PITPNM3: variants seen among roughly 807,000 people sequenced by gnomAD.
The protein encoded by PITPNM3 is PITPNM family member 3, also known as membrane-associated phosphatidylinositol transfer protein 3.
A neutral mutation model predicts 102.0 loss-of-function variants in PITPNM3; 26 were observed. The ratio of observed to expected loss-of-function variants is 0.25; its 90% confidence interval spans 0.19 to 0.35. PITPNM3 has a LOEUF of 0.35. Ranked by LOEUF, PITPNM3 falls within the 10% of genes least tolerant of loss-of-function variation. PITPNM3 has a pLI of 1.00. For missense variants in PITPNM3, 1,083 were observed against 1,346.1 expected (o/e 0.80, Z 3.06); for synonymous variants, 578 against 558.6 (o/e 1.03, Z -0.49).
intron 8 of PITPNM3, among the ~76,000 whole-genome samples, 168 bp downstream of exon 8, chr17:6,477,807 A>G (rs2150731659): frequency 6.6e-6 from 1 of 152,226 alleles, no homozygotes; most frequent in Non-Finnish European, 1.5e-5. Flanking sequence ...CGGCCTCCCA[A>G]AGTGCTGGGA....
chr17:6,484,237 G>T lies in PITPNM3; in HGVS notation c.330C>A (p.Ile110=). 6.2e-7 allele frequency: 1 copy of T among 1,611,912 alleles called. No homozygotes were observed. Among genetic ancestry groups the T allele is most frequent in the African/African-American group, 1.3e-5 (1 of 74,984 alleles). The change falls in exon 5 of 20, where the codon ATC becomes ATA. Residue 110 remains isoleucine, a synonymous_variant. Transcript: ENST00000262483. The part of the protein sequence containing the change: ...RRQRFPAQGS[I]EIHEDSEEGC... ...CTACCTCGCTGTCTTCGTGGATCTC[G>T]ATGCTTCCCTGGGCTGGGAACCTCT...
intron 3 of PITPNM3, among the ~76,000 whole-genome samples, chr17:6,505,817 C>T (rs1415562786): frequency 1.3e-5 from 2 of 152,248 alleles, no homozygotes; most frequent in African/African-American, 4.8e-5. Flanking sequence ...GGAGCAAGAA[C>T]ACCTCTGTGC....
Position 6,472,654 on chromosome 17 carries a change from T to C in PITPNM3, c.1429+3A>G. ...ACACTCTCTCCCACCCCCAAGAACC[T>C]ACCGAGGAGGAGGGACTGCCCATCG... On this transcript the variant is annotated splice_donor_region_variant and intron_variant, in intron 11 of 19. Transcript: ENST00000262483. This position sits in a 1 kb window ranked among gnomAD's most constrained non-coding sequence, Gnocchi z 4.1. 1 of 1,611,808 alleles carries C rather than the reference T, an allele frequency of 6.2e-7. No individual in the cohort carries two copies. Among genetic ancestry groups the C allele is most frequent in the Non-Finnish European group, 8.5e-7 (1 of 1,179,454 alleles).
chr17:6,460,997 C>T (rs761270553), intron 18 of PITPNM3: 38 of 339,448 alleles, frequency 1.1e-4, no homozygotes, highest in Admixed American at 4.7e-4. Flanking sequence ...ATCCGGGTCA[C>T]GGAAAGCACA....
Position 6,451,706 on chromosome 17 carries a change from G to C in PITPNM3, c.*3632C>G, listed in dbSNP as rs985156355. ...AGATTTTCCTCCCAACTGCCTGTTA[G>C]TGTCTCAACAAGGAGAGCAGAGCCC... is the stretch of plus-strand genomic sequence containing the variant. On this transcript the variant is annotated 3_prime_UTR_variant, in exon 20 of 20. Transcript: ENST00000262483. The C allele has an allele frequency of 6.6e-6, 1 of 152,240 alleles. No individual in the cohort carries two copies. Among genetic ancestry groups the C allele is most frequent in the Non-Finnish European group, 1.5e-5 (1 of 68,066 alleles). 9.4% of individuals were successfully genotyped at this position (152,240 alleles called of 1,614,324 possible).
At chr17:6,531,604 G>A (rs1474399760) in intron 2 of PITPNM3, among the ~76,000 whole-genome samples, 1 of 152,222 alleles carries the variant, frequency 6.6e-6, no homozygotes, top group Non-Finnish European at 1.5e-5. Flanking sequence ...TGCATCTCTG[G>A]CCTTCTCTGG....
chr17:6,512,955 G>A (rs1221182623), intron 3 of PITPNM3, among the ~76,000 whole-genome samples: 1 of 152,044 alleles, frequency 6.6e-6, no homozygotes, highest in Non-Finnish European at 1.5e-5. Context: ...CAAGGACTGA[G>A]TGGAATTTAT....
chr17:6,468,168 A>G lies in PITPNM3; in HGVS notation c.1890+57T>C. ...ATGTGGATGCCCCAGCCCCCGGGCC[A>G]GCCCCACCTCCCGGAGGACACAGTC... On this transcript the variant is annotated intron_variant, in intron 14 of 19. Coordinates refer to ENST00000262483, the MANE Select transcript of PITPNM3 (RefSeq NM_031220.4). This position sits in a 1 kb window ranked among gnomAD's most constrained non-coding sequence, Gnocchi z 5.2. 1.3e-6 allele frequency: 2 copies of G among 1,553,748 alleles called. No homozygotes were observed. Among genetic ancestry groups the G allele is most frequent in the South Asian group, 2.2e-5 (2 of 89,758 alleles).
intron 2 of PITPNM3, among the ~76,000 whole-genome samples, chr17:6,526,277 T>C (rs928900203): frequency 2.0e-5 from 3 of 152,160 alleles, no homozygotes; most frequent in Non-Finnish European, 4.4e-5. Flanking sequence ...ACACATCAGA[T>C]ACACACATCT....
At chr17:6,477,677 C>T (rs1257846409) in intron 8 of PITPNM3, among the ~76,000 whole-genome samples, 2 of 152,170 alleles carry the variant, frequency 1.3e-5, no homozygotes, top group Non-Finnish European at 2.9e-5. Flanking sequence ...TCCCAAGTAG[C>T]TGGGATTACA....
chr17:6,522,289 C>CACAG (rs1908578207), intron 3 of PITPNM3, among the ~76,000 whole-genome samples: 1 of 28,086 alleles, frequency 3.6e-5, no homozygotes, highest in African/African-American at 5.6e-5. Flanking sequence ...AGTGTGCGCA[C>CACAG]ACACACACAC....
At position 6,471,312 on chromosome 17, in the gene PITPNM3, G is replaced by A; in HGVS notation, c.1473C>T (p.Ser491=). 1.2e-6 allele frequency: 2 copies of A among 1,609,748 alleles called. No individual in the cohort carries two copies. The highest frequency in any genetic ancestry group is 1.7e-4 in the Middle Eastern group (1 of 6,036). ...CCAGAAGTGGCGGGCTGTCCCGGGAGCTGCCCTCCAGGAAGAGGGGGCTGT... is the reference window on the plus strand; with the variant it reads ...CCAGAAGTGGCGGGCTGTCCCGGGAACTGCCCTCCAGGAAGAGGGGGCTGT... ...HTHSPLFLEG[S]SRDSPPLLDA... is the part of the protein sequence containing the mutation. The change falls in exon 12 of 20, where the codon AGC becomes AGT. Residue 491 remains serine (S), a synonymous_variant. Coordinates refer to ENST00000262483, the MANE Select transcript of PITPNM3 (RefSeq NM_031220.4).
chr17:6,523,332 C>G (rs1908648953), intron 3 of PITPNM3, among the ~76,000 whole-genome samples: 1 of 152,204 alleles, frequency 6.6e-6, no homozygotes, highest in Admixed American at 6.5e-5. Flanking sequence ...GATGAAGAAA[C>G]AGAAGACCAG....
rs1360400156 is a variant in PITPNM3, at chr17:6,556,109, G to A, written c.22+276C>T. 5.9e-5 allele frequency among the ~76,000 whole-genome samples: 9 copies of A among 152,080 alleles called. No homozygotes were observed. The highest frequency in any genetic ancestry group is 5.2e-4 in the Admixed American group (8 of 15,298). ...GGGTGCAGAGGGCTCCCAACGGCGG[G>A]ACTGGCCCGGGGCGCCGCAGACCTG... On this transcript the variant is annotated intron_variant, in intron 1 of 19. Coordinates refer to ENST00000262483, the MANE Select transcript of PITPNM3 (RefSeq NM_031220.4). This position sits in a 1 kb window ranked among gnomAD's most constrained non-coding sequence, Gnocchi z 5.2.
intron 3 of PITPNM3, among the ~76,000 whole-genome samples, chr17:6,506,629 C>T (rs1470446332): frequency 6.6e-6 from 1 of 152,170 alleles, no homozygotes; most frequent in Non-Finnish European, 1.5e-5. Flanking sequence ...CTCGGCCTCC[C>T]AAAGGGCTGG....
chr17:6,463,585 G>A (rs933615897), intron 17 of PITPNM3, 147 bp downstream of exon 17: 7 of 1,170,668 alleles, frequency 6.0e-6, no homozygotes, highest in Non-Finnish European at 8.3e-6. Context: ...ATAAATTACT[G>A]TTGGAGGTAA....
intron 3 of PITPNM3, among the ~76,000 whole-genome samples, chr17:6,505,612 G>A (rs1597390155): frequency 6.6e-6 from 1 of 152,358 alleles, no homozygotes; most frequent in East Asian, 1.9e-4. Flanking sequence ...GCGAAGACCA[G>A]CACCATGTCT....
At position 6,471,130 on chromosome 17, in the gene PITPNM3, C is replaced by G. The variant is rs563378140; in HGVS notation, c.1624+31G>C. On this transcript the variant is annotated intron_variant, in intron 12 of 19. Transcript: ENST00000262483. Reference sequence around the variant, plus strand: ...AGAGGAAGGTTCCCCTCCCCCGAATCCAGGCAGGGCCCCAAAAGGACCTCA... The same window carrying G: ...AGAGGAAGGTTCCCCTCCCCCGAATGCAGGCAGGGCCCCAAAAGGACCTCA... 11 of 1,610,464 alleles carry G rather than the reference C, an allele frequency of 6.8e-6. No homozygotes were observed. The South Asian group carries it at 1.1e-4, about 16-fold the overall frequency.
At position 6,538,026 on chromosome 17, in the gene PITPNM3, A is replaced by C. The variant is rs756685029; in HGVS notation, c.79T>G (p.Ser27Ala). 1 of 1,613,694 alleles carries C rather than the reference A, an allele frequency of 6.2e-7. No homozygotes were observed. Among genetic ancestry groups the C allele is most frequent in the Non-Finnish European group, 8.5e-7 (1 of 1,179,786 alleles). Reference sequence around the variant, plus strand: ...AATTCATCATCTGAGCTCTCCACAGAGTCACTGAGGACATTTCGAAGGTGC... The same window carrying C: ...AATTCATCATCTGAGCTCTCCACAGCGTCACTGAGGACATTTCGAAGGTGC... Reference protein sequence around the residue: ...PWHLRNVLSDSVESSDDEFFD... With the variant: ...PWHLRNVLSDAVESSDDEFFD... Residue 27 changes from serine to alanine, a missense_variant, in exon 2 of 20, where the codon TCT becomes GCT. Coordinates refer to ENST00000262483, the MANE Select transcript of PITPNM3 (RefSeq NM_031220.4).
Sources: gnomAD v4.1 joint callset for allele counts (sites outside exome capture counted in the v4.1 genomes callset) on GRCh38, gnomAD v4.1.1 for gene constraint, Gnocchi (gnomAD v3.1) non-coding constraint, MANE v1.5 for transcripts, NCBI Gene and HGNC (gene_info 2026-07-23, HGNC 2026-07-21) for gene names.